XYLT1: variants seen among roughly 807,000 people sequenced by gnomAD.
The protein encoded by XYLT1 is xylosyltransferase 1, also known as beta-D-xylosyltransferase 1.
Under a neutral mutation model 91.3 loss-of-function variants are expected in XYLT1, and 36 were observed. That is an observed-to-expected ratio of 0.39 (90% CI 0.30 to 0.52). XYLT1 has a LOEUF of 0.52. Among genes scored for constraint, XYLT1 ranks in the 20% least tolerant of loss-of-function variants. The probability of loss-of-function intolerance (pLI) is 0.68; values close to 1 mark genes in which losing one functional copy is unlikely to be tolerated. For synonymous variants in XYLT1, 588 were observed against 532.0 expected, an observed-to-expected ratio of 1.11 and a Z score of -1.45; for missense variants, 1,242 against 1,284.5, an observed-to-expected ratio of 0.97 and a Z score of 0.51.
intron 2 of XYLT1, among the ~76,000 whole-genome samples, chr16:17,303,209 T>G (rs1242724344): frequency 6.6e-6 from 1 of 152,188 alleles, no homozygotes; most frequent in Admixed American, 6.5e-5. Context: ...TCATATTTAG[T>G]TCAGGGGTTG....
chr16:17,424,287 T>C lies in XYLT1; in HGVS notation c.363+46147A>G, dbSNP rs2036286161. ...CTGTCAAATGAAAGCAAGGACACCT[T>C]CTAGCAAACCTGAGAGAACTGAACA... On this transcript the variant is annotated intron_variant, in intron 1 of 11. Transcript: ENST00000261381. Among the ~76,000 whole-genome samples, 3 of 152,224 alleles carry C rather than the reference T, an allele frequency of 2.0e-5. No individual in the cohort carries two copies. In the South Asian group the frequency reaches 6.2e-4, roughly 32 times the overall value.
chr16:17,223,057 G>T (rs1030424010), intron 3 of XYLT1, among the ~76,000 whole-genome samples: 1 of 151,464 alleles, frequency 6.6e-6, no homozygotes, highest in Admixed American at 6.6e-5. Context: ...AAAAAGAAAG[G>T]CTGACATTTG....
At chr16:17,321,285 C>G (rs997965790) in intron 2 of XYLT1, among the ~76,000 whole-genome samples, 3 of 145,484 alleles carry the variant, frequency 2.1e-5, no homozygotes, top group Admixed American at 1.4e-4. Context: ...CCCCAACAAA[C>G]TTTACTATTT....
chr16:17,438,850 C>T (rs1440205835), intron 1 of XYLT1, among the ~76,000 whole-genome samples: 1 of 152,086 alleles, frequency 6.6e-6, no homozygotes, highest in African/African-American at 2.4e-5. Flanking sequence ...CCAATCACCT[C>T]CCACCAGGCC....
chr16:17,206,234 G>A (rs1026611944), intron 3 of XYLT1, among the ~76,000 whole-genome samples: 2 of 152,102 alleles, frequency 1.3e-5, no homozygotes, highest in African/African-American at 2.4e-5. Context: ...GCAGAGGAGC[G>A]GGATTCGTCT....
intron 2 of XYLT1, among the ~76,000 whole-genome samples, chr16:17,337,807 G>A (rs1464366233): frequency 7.5e-6 from 1 of 133,078 alleles, no homozygotes; most frequent in Non-Finnish European, 1.5e-5. Flanking sequence ...GTGAGACAGA[G>A]TCTTGCTCTG....
chr16:17,355,560 G>C (rs1183424609), intron 2 of XYLT1: 1 of 152,232 alleles, frequency 6.6e-6, no homozygotes, highest in Non-Finnish European at 1.5e-5. Context: ...GGTGACATCA[G>C]AGGGTGCGTA....
intron 1 of XYLT1, among the ~76,000 whole-genome samples, chr16:17,418,665 T>C (rs144902711): frequency 2.6e-4 from 40 of 152,166 alleles, no homozygotes; most frequent in African/African-American, 8.0e-4. Context: ...CTGGGCAATA[T>C]GGCAAAACCC....
At chr16:17,296,214 G>GAACAAAACAA (rs539805772) in intron 2 of XYLT1, among the ~76,000 whole-genome samples, 1 of 151,714 alleles carries the variant, frequency 6.6e-6, no homozygotes, top group Non-Finnish European at 1.5e-5. Context: ...CAGTCCAAGG[G>GAACAAAACAA]AACAAAACAA....
intron 1 of XYLT1, among the ~76,000 whole-genome samples, chr16:17,438,631 A>G (rs1344347104): frequency 2.0e-5 from 3 of 152,072 alleles, no homozygotes; most frequent in African/African-American, 7.2e-5. Context: ...AAGAGATTTA[A>G]TTGACTCAGT....
chr16:17,246,638 C>T (rs2033439290), intron 3 of XYLT1, among the ~76,000 whole-genome samples: 1 of 152,150 alleles, frequency 6.6e-6, no homozygotes, highest in Non-Finnish European at 1.5e-5. Flanking sequence ...ATCCCTTCTC[C>T]AGGGCTGTGC....
chr16:17,165,275 T>C (rs769769714), intron 5 of XYLT1, among the ~76,000 whole-genome samples: 8 of 152,212 alleles, frequency 5.3e-5, no homozygotes, highest in Non-Finnish European at 1.0e-4. Context: ...TTTGTTATTA[T>C]ATAAACGGGA....
intron 1 of XYLT1, among the ~76,000 whole-genome samples, chr16:17,455,695 A>C (rs926079077): frequency 6.6e-6 from 1 of 152,230 alleles, no homozygotes; most frequent in Non-Finnish European, 1.5e-5. Context: ...TCATGGTTTA[A>C]GGGATGGTGC....
chr16:17,170,092 G>T (rs1180034088), intron 5 of XYLT1, among the ~76,000 whole-genome samples: 3 of 152,158 alleles, frequency 2.0e-5, no homozygotes, highest in Non-Finnish European at 4.4e-5. Context: ...TTTAACAATG[G>T]TCTATGAGTT....
At chr16:17,110,616 T>A (rs1966839005) in intron 11 of XYLT1, among the ~76,000 whole-genome samples, 1 of 152,156 alleles carries the variant, frequency 6.6e-6, no homozygotes, top group Admixed American at 6.5e-5. Context: ...ATTAGCAGCA[T>A]GAGAACAGAC....
intron 2 of XYLT1, among the ~76,000 whole-genome samples, chr16:17,305,178 GC>G (rs934864633): frequency 1.3e-5 from 2 of 152,132 alleles, no homozygotes; most frequent in Non-Finnish European, 2.9e-5. Context: ...AAATCAGGAT[GC>G]CCCCTTGTCT....
chr16:17,308,782 G>A (rs1019171663), intron 2 of XYLT1, among the ~76,000 whole-genome samples: 1 of 152,138 alleles, frequency 6.6e-6, no homozygotes, highest in Non-Finnish European at 1.5e-5. Flanking sequence ...CCCAGTACCT[G>A]ACACATGGTA....
Position 17,335,694 on chromosome 16 carries a change from C to CAA in XYLT1, c.402+22316_402+22317dup, listed in dbSNP as rs34629667. Among the ~76,000 whole-genome samples the CAA allele has an allele frequency of 8.1e-3, 1,021 of 125,400 alleles. 13 individuals are homozygous for CAA. Among genetic ancestry groups the CAA allele is most frequent in the African/African-American group, 0.019 (670 of 34,894 alleles). 82.3% of individuals were successfully genotyped at this position (125,400 alleles called of 152,430 possible). On this transcript the variant is annotated intron_variant, in intron 2 of 11. Transcript: ENST00000261381. ...GGGCAACGAGAGCAAAACTCCATCT[C>CAA]AAAAAAAAAAAAAAAAATCATTCAT...
chr16:17,465,135 T>C (rs1333975517), intron 1 of XYLT1, among the ~76,000 whole-genome samples: 20 of 99,352 alleles, frequency 2.0e-4, no homozygotes, highest in South Asian at 3.8e-4. Context: ...CAGAGCAAGA[T>C]GCTGTCTCAA....
Sources: gnomAD v4.1 joint callset for allele counts (sites outside exome capture counted in the v4.1 genomes callset) on GRCh38, gnomAD v4.1.1 for gene constraint, MANE v1.5 for transcripts, NCBI Gene and HGNC (gene_info 2026-07-23, HGNC 2026-07-21) for gene names.